The following EIPR1 variants were observed in gnomAD, a reference collection of about 807,000 sequenced individuals.
EIPR1 encodes EARP complex and GARP complex interacting protein 1.
Under a neutral mutation model 48.1 loss-of-function variants are expected in EIPR1, and 25 were observed. The ratio of observed to expected loss-of-function variants is 0.52; its 90% CI spans 0.38 to 0.73. The LOEUF (loss-of-function observed/expected upper bound fraction) is 0.73. EIPR1 is among the 30% of genes least tolerant of loss of function. The pLI, the probability that EIPR1 is intolerant of heterozygous loss-of-function variation, is 0.00. For missense variants in EIPR1, 415 were observed against 506.2 expected (o/e 0.82, Z 1.73); for synonymous variants, 204 against 201.9 (o/e 1.01, Z -0.09).
rs1201831513 is a variant in EIPR1 at position 3,278,855 on chromosome 2, C to CG, written c.260-21401dup. On this transcript the variant is annotated intron_variant, in intron 3 of 8. Transcript: ENST00000382125. The stretch of plus-strand genomic sequence containing the variant: ...GCTGCCCTGTGCAGGGAGGAGGTCA[C>CG]GGGGGGCACTGCCCAACCTCCCGCC... Among the ~76,000 whole-genome samples, 14 of 152,262 alleles carry CG rather than the reference C, an allele frequency of 9.2e-5. No individual in the cohort carries two copies. In the East Asian group the frequency reaches 1.7e-3, roughly 19 times the overall value.
chr2:3,335,218 C>T (rs936095098), intron 3 of EIPR1, among the ~76,000 whole-genome samples: 2 of 152,192 alleles, frequency 1.3e-5, no homozygotes, highest in Non-Finnish European at 2.9e-5. Flanking sequence ...GAGGCATGCG[C>T]TGTTGGAAGC....
intron 3 of EIPR1, chr2:3,320,397 C>G (rs566164532): frequency 1.9e-5 from 3 of 160,312 alleles, no homozygotes; most frequent in Non-Finnish European, 4.1e-5. Context: ...GCGGACAACA[C>G]TGCACCTGTG....
At chr2:3,241,483 C>T (rs1299911167) in intron 4 of EIPR1, among the ~76,000 whole-genome samples, 1 of 152,114 alleles carries the variant, frequency 6.6e-6, no homozygotes, top group East Asian at 1.9e-4. Flanking sequence ...TTATCATGGA[C>T]CATCACCATG....
At chr2:3,321,452 T>C (rs1572440631) in intron 3 of EIPR1, among the ~76,000 whole-genome samples, 1 of 152,090 alleles carries the variant, frequency 6.6e-6, no homozygotes, top group Non-Finnish European at 1.5e-5. Context: ...GGATTCCAAC[T>C]TTTCTCCCCA....
intron 3 of EIPR1, among the ~76,000 whole-genome samples, chr2:3,322,570 T>G (rs1267790962): frequency 6.6e-6 from 1 of 152,164 alleles, no homozygotes; most frequent in Non-Finnish European, 1.5e-5. Flanking sequence ...TCTCCTAAGT[T>G]GCAATCCTGT....
intron 3 of EIPR1, among the ~76,000 whole-genome samples, chr2:3,305,162 G>A (rs550139034): frequency 6.1e-4 from 69 of 113,734 alleles, no homozygotes; most frequent in African/African-American, 1.5e-3. Flanking sequence ...CTCCACTCCC[G>A]TCCAGTTCAA....
At chr2:3,376,958 G>A (rs1398594085) in intron 1 of EIPR1, among the ~76,000 whole-genome samples, 4 of 152,066 alleles carry the variant, frequency 2.6e-5, no homozygotes, top group African/African-American at 7.2e-5. Context: ...CTCTATCCAC[G>A]GCAGCTTTCT....
intron 4 of EIPR1, among the ~76,000 whole-genome samples, chr2:3,218,327 C>T (rs1381756166): frequency 6.8e-6 from 1 of 146,966 alleles, no homozygotes; most frequent in Admixed American, 6.8e-5. Flanking sequence ...GAGTCAGGTG[C>T]ACACCCAACA....
At position 3,235,424 on chromosome 2, in the gene EIPR1, ACACACACACACACACGCGTGCGCG is replaced by A. The variant is rs1339908695; in HGVS notation, c.417-21200_417-21177del. Among the ~76,000 whole-genome samples, 10 of 109,206 alleles carry A rather than the reference ACACACACACACACACGCGTGCGCG, an allele frequency of 9.2e-5. No individual in the cohort carries two copies. In the South Asian group the frequency reaches 3.2e-3, roughly 35 times the overall value. The allele number at this position is 109,206 out of a possible 152,430, so 71.6% of individuals were successfully genotyped here. On this transcript the variant is annotated intron_variant, in intron 4 of 8. Transcript: ENST00000382125. ...CAAACATGTGTGCATGCGGGTGCGC[ACACACACACACACACGCGTGCGCG>A]CACACACACACACACCCCCCAATAG... is the stretch of plus-strand genomic sequence containing the variant.
Position 3,286,800 on chromosome 2 carries a change from T to C in EIPR1, c.260-29345A>G, listed in dbSNP as rs1668199041. On this transcript the variant is annotated intron_variant, in intron 3 of 8. Transcript: ENST00000382125. The surrounding 1 kb of genome is among the most constrained non-coding windows in gnomAD (Gnocchi z 4.2). ...CACATACAGACAAGGAAACCAAGGC[T>C]TGGAGAGTTGAAGCCACCGTCCAAG... 6.6e-6 allele frequency among the ~76,000 whole-genome samples: 1 copy of C among 152,170 alleles called. No homozygotes were observed. Among genetic ancestry groups the C allele is most frequent in the African/African-American group, 2.4e-5 (1 of 41,442 alleles).
At chr2:3,334,977 T>C (rs1049796728) in intron 3 of EIPR1, among the ~76,000 whole-genome samples, 1 of 152,132 alleles carries the variant, frequency 6.6e-6, no homozygotes, top group African/African-American at 2.4e-5. Context: ...TGCTTGGCAA[T>C]TGTTTTAGTT....
At position 3,312,153 on chromosome 2, in the gene EIPR1, C is replaced by T. The variant is rs1052687588; in HGVS notation, c.259+25864G>A. ...GTCTCGGGACGCTCCCAAATTTCCT[C>T]AAGTTGCCCCCCGAATCTGTCCATC... On this transcript the variant is annotated intron_variant, in intron 3 of 8. Transcript: ENST00000382125. This position sits in a 1 kb window ranked among gnomAD's most constrained non-coding sequence, Gnocchi z 5.5. Among the ~76,000 whole-genome samples the T allele has an allele frequency of 6.6e-6, 1 of 152,150 alleles. No individual in the cohort carries two copies. The highest frequency in any genetic ancestry group is 1.5e-5 in the Non-Finnish European group (1 of 68,028).
At chr2:3,197,357 GACAAA>G (rs1664846905) in intron 5 of EIPR1, among the ~76,000 whole-genome samples, 1 of 152,230 alleles carries the variant, frequency 6.6e-6, no homozygotes, top group Admixed American at 6.5e-5. Flanking sequence ...CAAAGAAAGC[GACAAA>G]ACAAGTCAGG....
chr2:3,293,502 C>T (rs1381743339), intron 3 of EIPR1, among the ~76,000 whole-genome samples: 4 of 152,322 alleles, frequency 2.6e-5, no homozygotes, highest in African/African-American at 4.8e-5. Context: ...CCCAGACAGC[C>T]GTTTAGGCTG....
intron 1 of EIPR1, among the ~76,000 whole-genome samples, chr2:3,356,173 C>T (rs1472161931): frequency 1.3e-5 from 2 of 152,186 alleles, no homozygotes; most frequent in African/African-American, 4.8e-5. Flanking sequence ...TTTATACCAC[C>T]CAACCCCTAC....
chr2:3,272,745 G>A (rs1667735701), intron 3 of EIPR1, among the ~76,000 whole-genome samples: 1 of 152,180 alleles, frequency 6.6e-6, no homozygotes, highest in Admixed American at 6.5e-5. Flanking sequence ...GCCACAGAGT[G>A]GGACGTGCTG....
chr2:3,217,617 G>A (rs1033468057), intron 4 of EIPR1, among the ~76,000 whole-genome samples: 7 of 152,074 alleles, frequency 4.6e-5, no homozygotes, highest in African/African-American at 7.2e-5. Flanking sequence ...AGAGATGTTC[G>A]TCACATCCCA....
At chr2:3,319,886 AACACCGCACCTGT>A (rs1669459254) in intron 3 of EIPR1, 1 of 75,770 alleles carries the variant, frequency 1.3e-5, no homozygotes, top group Non-Finnish European at 2.3e-5. Context: ...CCCTGTGGAC[AACACCGCACCTGT>A]GGACAACACC....
intron 4 of EIPR1, among the ~76,000 whole-genome samples, chr2:3,249,701 G>A (rs1666946773): frequency 6.6e-6 from 1 of 152,152 alleles, no homozygotes; most frequent in South Asian, 2.1e-4. Context: ...CATCTTGGGA[G>A]GGGGAAAGCC....
Sources: allele counts gnomAD v4.1 joint callset (sites outside exome capture counted in the v4.1 genomes callset), GRCh38; gene constraint gnomAD v4.1.1; non-coding constraint Gnocchi (gnomAD v3.1); transcripts MANE v1.5; gene names NCBI Gene and HGNC (gene_info 2026-07-23, HGNC 2026-07-21).